Variants in CHCHD6 observed in about 807,000 individuals in gnomAD.
CHCHD6 encodes the protein coiled-coil-helix-coiled-coil-helix domain containing 6.
Under a neutral mutation model 32.3 loss-of-function variants are expected in CHCHD6, and 28 were observed. The ratio of observed to expected loss-of-function variants is 0.87; its 90% CI spans 0.64 to 1.19. The LOEUF (loss-of-function observed/expected upper bound fraction) is 1.19. Among genes scored for constraint, CHCHD6 ranks in the 50% most tolerant of loss-of-function variants. The probability of loss-of-function intolerance (pLI) is 0.00; values close to 1 mark genes in which losing one functional copy is unlikely to be tolerated. For synonymous variants in CHCHD6, 122 were observed against 117.5 expected (o/e 1.04, Z -0.25); for missense variants, 333 against 307.0 (o/e 1.08, Z -0.63).
chr3:126,830,593 CT>C, intron 4 of CHCHD6, among the ~76,000 whole-genome samples: 1 of 152,342 alleles, frequency 6.6e-6, no homozygotes, highest in African/African-American at 2.4e-5. Context: ...CTTCCTCATA[CT>C]TTAATTCCTC....
chr3:126,816,962 G>A (rs1344902707), intron 4 of CHCHD6, among the ~76,000 whole-genome samples: 2 of 152,058 alleles, frequency 1.3e-5, no homozygotes, highest in Non-Finnish European at 2.9e-5. Flanking sequence ...AGCATGCAGT[G>A]TTTGGTTTTT....
chr3:126,858,304 G>A (rs1941733193), intron 5 of CHCHD6, among the ~76,000 whole-genome samples: 1 of 150,270 alleles, frequency 6.7e-6, no homozygotes, highest in Non-Finnish European at 1.5e-5. Context: ...GCAGGGGCGG[G>A]GGCGGGGGGG....
At chr3:126,920,141 G>T (rs2078225692) in intron 6 of CHCHD6, among the ~76,000 whole-genome samples, 1 of 149,360 alleles carries the variant, frequency 6.7e-6, no homozygotes, top group Admixed American at 6.7e-5. Context: ...TGTCAAGTGT[G>T]CCTTAAATCT....
intron 4 of CHCHD6, among the ~76,000 whole-genome samples, chr3:126,839,408 A>G (rs1051237669): frequency 4.6e-5 from 7 of 152,254 alleles, no homozygotes; most frequent in African/African-American, 1.7e-4. Flanking sequence ...TTGGAAATTT[A>G]TATTACCATA....
intron 4 of CHCHD6, among the ~76,000 whole-genome samples, chr3:126,764,600 C>G (rs554179161): frequency 3.3e-5 from 5 of 152,172 alleles, no homozygotes; most frequent in Non-Finnish European, 5.9e-5. Flanking sequence ...ATGAGGCTGC[C>G]GGAAGATCTA....
In CHCHD6 at chr3:126,917,427, C is replaced by T. The variant is rs546383173; in HGVS notation, c.566+2677C>T. On this transcript the variant is annotated intron_variant, in intron 6 of 7. Transcript: ENST00000290913. Reference sequence around the variant, plus strand: ...TAAGATGGCAGCAGGGTGGAGCTCTCAGAGCCTGCCCGGGTTTTGGACTCA... The same window carrying T: ...TAAGATGGCAGCAGGGTGGAGCTCTTAGAGCCTGCCCGGGTTTTGGACTCA... 3.9e-5 allele frequency among the ~76,000 whole-genome samples: 6 copies of T among 152,312 alleles called. No homozygotes were observed. In the East Asian group the frequency reaches 1.2e-3, roughly 29 times the overall value.
At chr3:126,786,315 T>G (rs926797879) in intron 4 of CHCHD6, among the ~76,000 whole-genome samples, 1 of 152,226 alleles carries the variant, frequency 6.6e-6, no homozygotes, top group African/African-American at 2.4e-5. Context: ...TATAGCAGCA[T>G]GATTTATAGT....
At chr3:126,901,712 G>A (rs2077930272) in intron 5 of CHCHD6, among the ~76,000 whole-genome samples, 1 of 152,232 alleles carries the variant, frequency 6.6e-6, no homozygotes, top group African/African-American at 2.4e-5. Context: ...AAGAGTGCAA[G>A]CAGGATTTGG....
intron 5 of CHCHD6, among the ~76,000 whole-genome samples, chr3:126,861,651 C>G (rs1203649981): frequency 6.6e-6 from 1 of 150,568 alleles, no homozygotes; most frequent in Non-Finnish European, 1.5e-5. Context: ...CCATCACCAC[C>G]TCCCCCTCCT....
At chr3:126,806,756 T>C (rs1471441706) in intron 4 of CHCHD6, among the ~76,000 whole-genome samples, 1 of 152,088 alleles carries the variant, frequency 6.6e-6, no homozygotes. Flanking sequence ...CATGTATGTT[T>C]ATTGCGGCAC....
intron 4 of CHCHD6, among the ~76,000 whole-genome samples, chr3:126,760,201 T>G (rs1369944097): frequency 6.6e-6 from 1 of 152,214 alleles, no homozygotes; most frequent in Admixed American, 6.5e-5. Context: ...TACCTGTTCC[T>G]TTTTGAAATT....
chr3:126,738,696 A>G (rs1004577891), intron 4 of CHCHD6, among the ~76,000 whole-genome samples: 1 of 152,170 alleles, frequency 6.6e-6, no homozygotes, highest in Non-Finnish European at 1.5e-5. Flanking sequence ...TCGTGATCCC[A>G]TTGCAGTGCC....
chr3:126,956,536 C>T (rs753873091), intron 6 of CHCHD6, among the ~76,000 whole-genome samples: 1 of 150,720 alleles, frequency 6.6e-6, no homozygotes, highest in African/African-American at 2.4e-5. Context: ...GCCCAGCAGC[C>T]GGAGGACAGC....
At chr3:126,954,010 G>C (rs2078751429) in intron 6 of CHCHD6, among the ~76,000 whole-genome samples, 1 of 152,186 alleles carries the variant, frequency 6.6e-6, no homozygotes, top group African/African-American at 2.4e-5. Flanking sequence ...CGAAGGCCTA[G>C]CCCTGCCTTG....
intron 5 of CHCHD6, among the ~76,000 whole-genome samples, chr3:126,856,536 TG>T (rs1941672434): frequency 6.6e-6 from 1 of 152,272 alleles, no homozygotes; most frequent in African/African-American, 2.4e-5. Flanking sequence ...ACTGCACACC[TG>T]GCTCCAGAGC....
chr3:126,826,222 A>C (rs1940385655), intron 4 of CHCHD6, among the ~76,000 whole-genome samples: 1 of 152,330 alleles, frequency 6.6e-6, no homozygotes. Flanking sequence ...ACATAATTCC[A>C]TTGTCCAGGG....
At chr3:126,801,942 C>G (rs903380755) in intron 4 of CHCHD6, among the ~76,000 whole-genome samples, 3 of 152,192 alleles carry the variant, frequency 2.0e-5, no homozygotes, top group African/African-American at 7.2e-5. Flanking sequence ...CTGCTGATAC[C>G]CAGGCAAACA....
intron 5 of CHCHD6, among the ~76,000 whole-genome samples, chr3:126,901,950 C>T (rs1277162788): frequency 6.6e-6 from 1 of 152,202 alleles, no homozygotes; most frequent in Non-Finnish European, 1.5e-5. Context: ...AGGGACAGAT[C>T]TCCTAGATAG....
chr3:126,810,422 C>G (rs1939607204), intron 4 of CHCHD6, among the ~76,000 whole-genome samples: 1 of 152,148 alleles, frequency 6.6e-6, no homozygotes, highest in Non-Finnish European at 1.5e-5. Context: ...CTAGAATAAT[C>G]TAGGTTGTCT....
Sources: gnomAD v4.1 joint callset for allele counts (sites outside exome capture counted in the v4.1 genomes callset) on GRCh38, gnomAD v4.1.1 for gene constraint, MANE v1.5 for transcripts, NCBI Gene and HGNC (gene_info 2026-07-23, HGNC 2026-07-21) for gene names.